Variants in P2RX5 observed in about 807,000 individuals in gnomAD.
P2RX5 encodes P2X purinoceptor 5.
In P2RX5, 46 loss-of-function variants were observed where a neutral mutation model predicts 54.1. The ratio of observed to expected loss-of-function variants is 0.85; its 90% CI spans 0.67 to 1.09. The LOEUF is 1.09. Ranked by LOEUF, P2RX5 falls within the 50% of genes least tolerant of loss-of-function variation. The pLI, the probability that P2RX5 is intolerant of heterozygous loss-of-function variation, is 0.00. For synonymous variants in P2RX5, 226 were observed against 226.4 expected (o/e 1.00, Z 0.02); for missense variants, 566 against 549.8 (o/e 1.03, Z -0.29).
At chr17:3,692,551 A>G (rs1234208204) in intron 1 of P2RX5, among the ~76,000 whole-genome samples, 1 of 151,708 alleles carries the variant, frequency 6.6e-6, no homozygotes, top group African/African-American at 2.4e-5. Flanking sequence ...TCTACAAAAT[A>G]AGAGTACAGG....
the P2RX5 span, among the ~76,000 whole-genome samples, chr17:3,713,966 T>C: frequency 2.6e-5 from 4 of 152,072 alleles, no homozygotes; most frequent in African/African-American, 9.7e-5. Context: ...CTTGCTCTTT[T>C]GCCCAGGCTG....
intron 10 of P2RX5, among the ~76,000 whole-genome samples, chr17:3,680,314 C>T (rs2050222874): frequency 3.8e-5 from 2 of 52,522 alleles, no homozygotes; most frequent in Non-Finnish European, 7.1e-5. Context: ...CTCCACCCTG[C>T]ATCCTCCACC....
chr17:3,680,452 T>A (rs1597700411), intron 10 of P2RX5, among the ~76,000 whole-genome samples: 4 of 99,634 alleles, frequency 4.0e-5, no homozygotes, highest in East Asian at 3.5e-4. Context: ...TCCTCCACCC[T>A]GAGTCCTCCA....
the P2RX5 span, among the ~76,000 whole-genome samples, chr17:3,705,094 G>A: frequency 4.6e-5 from 7 of 152,264 alleles, no homozygotes; most frequent in East Asian, 9.6e-4. Flanking sequence ...TTAGAGCTAC[G>A]CACATCTTGT....
At chr17:3,678,149 G>A (rs1370404882) in intron 11 of P2RX5, 14 of 975,930 alleles carry the variant, frequency 1.4e-5, no homozygotes, top group South Asian at 4.7e-5. Context: ...GTGTGTGGGC[G>A]GGAGGGGGCG....
rs899600719 is a variant in P2RX5 at position 3,673,682 on chromosome 17, G to C, written c.*186C>G. Reference sequence around the variant, plus strand: ...AAGACAGCCATGATGGGTCCGTCCTGATGACCCCAGCATCAGACGTGGAGG... The same window carrying C: ...AAGACAGCCATGATGGGTCCGTCCTCATGACCCCAGCATCAGACGTGGAGG... On this transcript the variant is annotated 3_prime_UTR_variant, in exon 12 of 12. Coordinates refer to ENST00000225328, the MANE Select transcript of P2RX5 (RefSeq NM_002561.4). 22 of 1,524,072 alleles carry C rather than the reference G, an allele frequency of 1.4e-5. No individual in the cohort carries two copies. Among genetic ancestry groups the C allele is most frequent in the Non-Finnish European group, 1.8e-5 (21 of 1,136,636 alleles). The allele number at this position is 1,524,072 out of a possible 1,614,324, so 94.4% of individuals were successfully genotyped here.
the P2RX5 span, among the ~76,000 whole-genome samples, chr17:3,705,601 A>G: frequency 3.3e-5 from 5 of 152,056 alleles, no homozygotes; most frequent in East Asian, 3.9e-4. Context: ...AGTTGGGTAC[A>G]TATCTGTCAA....
At chr17:3,678,332 C>T (rs561255573) in intron 11 of P2RX5, among the ~76,000 whole-genome samples, 82 of 152,334 alleles carry the variant, frequency 5.4e-4, no homozygotes, top group Middle Eastern at 3.4e-3. Context: ...CTGGAGTTGC[C>T]CCGGCAAGGA....
At chr17:3,699,841 A>AGAGC (rs1555571279), upstream of P2RX5, among the ~76,000 whole-genome samples, 1 of 121,382 alleles carries the variant, frequency 8.2e-6, no homozygotes, top group Non-Finnish European at 1.9e-5. Flanking sequence ...AGAGAGAGAG[A>AGAGC]AAGAAAAAGA....
chr17:3,697,275 A>G (rs2050778447), upstream of P2RX5, among the ~76,000 whole-genome samples: 1 of 152,208 alleles, frequency 6.6e-6, no homozygotes. Flanking sequence ...GAACTGATCC[A>G]TGCAGCTATG....
upstream of P2RX5, among the ~76,000 whole-genome samples, chr17:3,700,847 C>G (rs992879799): frequency 6.6e-6 from 1 of 152,162 alleles, no homozygotes; most frequent in Non-Finnish European, 1.5e-5. Flanking sequence ...GCCTCTCATC[C>G]TGTGACATGC....
intron 9 of P2RX5, among the ~76,000 whole-genome samples, chr17:3,683,963 G>C (rs2050360240): frequency 6.6e-6 from 1 of 152,222 alleles, no homozygotes; most frequent in Admixed American, 6.5e-5. Context: ...GGGCTGTCTT[G>C]TGTGCACAGG....
At chr17:3,712,461 C>T in the P2RX5 span, among the ~76,000 whole-genome samples, 1 of 152,106 alleles carries the variant, frequency 6.6e-6, no homozygotes, top group East Asian at 1.9e-4. Flanking sequence ...GTGAGGCAGG[C>T]AGAGGAGGGC....
the P2RX5 span, among the ~76,000 whole-genome samples, chr17:3,719,973 GTC>G: frequency 6.6e-6 from 1 of 152,104 alleles, no homozygotes; most frequent in African/African-American, 2.4e-5. Context: ...TGATCCACCT[GTC>G]TCGGCCTCCC....
chr17:3,707,435 A>G, the P2RX5 span, among the ~76,000 whole-genome samples: 2 of 152,130 alleles, frequency 1.3e-5, no homozygotes, highest in Admixed American at 6.5e-5. Context: ...AGGCCTGGGT[A>G]TCCCAATTCC....
chr17:3,713,527 G>A, the P2RX5 span, among the ~76,000 whole-genome samples: 1 of 152,120 alleles, frequency 6.6e-6, no homozygotes, highest in Non-Finnish European at 1.5e-5. Flanking sequence ...GAGGCAGGTG[G>A]ATCACCTGAA....
chr17:3,710,124 A>C, the P2RX5 span, among the ~76,000 whole-genome samples: 1 of 152,008 alleles, frequency 6.6e-6, no homozygotes, highest in East Asian at 1.9e-4. Context: ...GCAGTAGTGC[A>C]GATTATTTAA....
rs752102980 is a variant in P2RX5, at chr17:3,689,516, G to A, written c.729C>T (p.Ser243=). 3.2e-5 allele frequency: 52 copies of A among 1,614,154 alleles called. 2 individuals are homozygous for A. In the South Asian group the frequency reaches 4.7e-4, roughly 15 times the overall value. The change falls in exon 7 of 12, where the codon AGC becomes AGT. Residue 243 remains serine (S), a synonymous_variant. Coordinates refer to ENST00000225328, the MANE Select transcript of P2RX5 (RefSeq NM_002561.4). ...RLGSVIRWAG[S]DFQDIALEGG... ...CCTCCAGGGCTATATCCTGGAAGTCGCTCCCGGCCCAGCGGATCACGGAGC... is the reference window on the plus strand; with the variant it reads ...CCTCCAGGGCTATATCCTGGAAGTCACTCCCGGCCCAGCGGATCACGGAGC...
chr17:3,702,520 C>A, the P2RX5 span, among the ~76,000 whole-genome samples: 18 of 152,188 alleles, frequency 1.2e-4, no homozygotes, highest in Non-Finnish European at 2.5e-4. Context: ...TCCCTCTTCA[C>A]AATAAATCTT....
Sources: allele counts gnomAD v4.1 joint callset (sites outside exome capture counted in the v4.1 genomes callset), GRCh38; gene constraint gnomAD v4.1.1; transcripts MANE v1.5; gene names NCBI Gene and HGNC (gene_info 2026-07-23, HGNC 2026-07-21).